The following BHMT2 variants were observed in gnomAD, a reference collection of about 807,000 sequenced individuals.
BHMT2 encodes S-methylmethionine--homocysteine S-methyltransferase BHMT2.
BHMT2 carries 28 observed loss-of-function variants against 39.0 expected under a neutral mutation model. That is an observed-to-expected ratio of 0.72 (90% CI 0.53 to 0.98). The LOEUF (loss-of-function observed/expected upper bound fraction) is 0.98. Ranked by LOEUF, BHMT2 falls within the 50% of genes least tolerant of loss-of-function variation. BHMT2 has a pLI of 0.00. For synonymous variants in BHMT2, 145 were observed against 160.6 expected (o/e 0.90, Z 0.74); for missense variants, 410 against 455.6 (o/e 0.90, Z 0.91).
intron 4 of BHMT2, 40 bp from the exon 5 acceptor site, chr5:79,082,769 T>C (rs1580252542): frequency 1.2e-6 from 2 of 1,603,806 alleles, no homozygotes; most frequent in African/African-American, 2.7e-5. Flanking sequence ...CAAAATCTGC[T>C]TTATGTTTGG....
intron 1 of BHMT2, among the ~76,000 whole-genome samples, chr5:79,072,129 T>G (rs986453007): frequency 3.3e-5 from 5 of 152,096 alleles, no homozygotes; most frequent in African/African-American, 1.2e-4. Context: ...TAGCTGGGCA[T>G]GGTGGCATGC....
intron 2 of BHMT2, chr5:79,077,875 A>T: frequency 3.6e-6 from 1 of 280,432 alleles, no homozygotes; most frequent in Non-Finnish European, 6.7e-6. Flanking sequence ...ACATCCATGC[A>T]CTCACACCCC....
intron 2 of BHMT2, among the ~76,000 whole-genome samples, chr5:79,078,395 A>C (rs1755719883): frequency 6.6e-6 from 1 of 152,222 alleles, no homozygotes; most frequent in Non-Finnish European, 1.5e-5. Flanking sequence ...AAAGTGAGAA[A>C]ATAAAGCCAA....
At chr5:79,084,566 A>T (rs1755858725) in intron 7 of BHMT2, among the ~76,000 whole-genome samples, 1 of 152,104 alleles carries the variant, frequency 6.6e-6, no homozygotes, top group African/African-American at 2.4e-5. Context: ...TAAGGGCACT[A>T]GTCCCATTCA....
intron 3 of BHMT2, 41 bp from the exon 4 acceptor site, chr5:79,080,646 C>T (rs905042113): frequency 6.5e-6 from 10 of 1,528,548 alleles, no homozygotes; most frequent in Non-Finnish European, 8.8e-6. Context: ...TACCTTCAAA[C>T]TGCTAGGCTC....
At chr5:79,071,538 G>A (rs1204621131) in intron 1 of BHMT2, among the ~76,000 whole-genome samples, 1 of 152,140 alleles carries the variant, frequency 6.6e-6, no homozygotes, top group African/African-American at 2.4e-5. Context: ...AAATATAAAT[G>A]TACTGCAAAA....
Position 79,088,605 on chromosome 5 carries a change from G to A in BHMT2, c.*31G>A, listed in dbSNP as rs887200956. 1.0e-5 allele frequency: 16 copies of A among 1,600,204 alleles called. No individual in the cohort carries two copies. Among genetic ancestry groups the A allele is most frequent in the African/African-American group, 2.7e-5 (2 of 74,362 alleles). On this transcript the variant is annotated 3_prime_UTR_variant, in exon 8 of 8. Coordinates refer to ENST00000255192, the MANE Select transcript of BHMT2 (RefSeq NM_017614.5). ...AGTGAAAGAAAACCCTGAAATAATC[G>A]AACAGGAAAAAGTTGCCCTCAAGCC...
intron 1 of BHMT2, among the ~76,000 whole-genome samples, chr5:79,070,273 A>G (rs572567004): frequency 6.6e-6 from 1 of 152,312 alleles, no homozygotes; most frequent in East Asian, 1.9e-4. Context: ...AAAAGTCAGC[A>G]GCCTGGCCAA....
At chr5:79,085,457 G>A (rs1755874540) in intron 7 of BHMT2, among the ~76,000 whole-genome samples, 1 of 152,232 alleles carries the variant, frequency 6.6e-6, no homozygotes, top group African/African-American at 2.4e-5. Flanking sequence ...GAGGCTGGTG[G>A]ATCACCTGAG....
At chr5:79,072,334 AC>A (rs1257554202) in intron 1 of BHMT2, among the ~76,000 whole-genome samples, 2 of 152,206 alleles carry the variant, frequency 1.3e-5, no homozygotes, top group African/African-American at 4.8e-5. Flanking sequence ...CATCCAGATA[AC>A]AAATGAAAAT....
intron 1 of BHMT2, among the ~76,000 whole-genome samples, chr5:79,075,582 T>C (rs1484702736): frequency 6.6e-6 from 1 of 152,160 alleles, no homozygotes; most frequent in Non-Finnish European, 1.5e-5. Context: ...CTATTATCAA[T>C]AAAAGGTTGC....
At position 79,089,048 on chromosome 5, in the gene BHMT2, A is replaced by C. The variant is rs996858344; in HGVS notation, c.*474A>C. ...TTAATGATTTATACAATGACTCCAAAGGCAATCCCAAAGAAAAGATGTAAA... is the reference window on the plus strand; with the variant it reads ...TTAATGATTTATACAATGACTCCAACGGCAATCCCAAAGAAAAGATGTAAA... On this transcript the variant is annotated 3_prime_UTR_variant, in exon 8 of 8. Coordinates refer to ENST00000255192, the MANE Select transcript of BHMT2 (RefSeq NM_017614.5). 6 of 152,640 alleles carry C rather than the reference A, an allele frequency of 3.9e-5. No individual in the cohort carries two copies. Among genetic ancestry groups the C allele is most frequent in the African/African-American group, 1.2e-4 (5 of 41,442 alleles). 9.5% of individuals were successfully genotyped at this position (152,640 alleles called of 1,614,324 possible).
In BHMT2 at chr5:79,083,380, C is replaced by A. The variant is rs370613169; in HGVS notation, c.781+6C>A. ...TCTCCCAGAATATCCCTTTGGTAAGCTCAGGTGCATAGTAGAGGTCCTTGT... is the reference window on the plus strand; with the variant it reads ...TCTCCCAGAATATCCCTTTGGTAAGATCAGGTGCATAGTAGAGGTCCTTGT... On this transcript the variant is annotated splice_donor_region_variant and intron_variant, in intron 6 of 7. Coordinates refer to ENST00000255192, the MANE Select transcript of BHMT2 (RefSeq NM_017614.5). 2 of 1,586,578 alleles carry A rather than the reference C, an allele frequency of 1.3e-6. No individual in the cohort carries two copies. Among genetic ancestry groups the A allele is most frequent in the African/African-American group, 1.4e-5 (1 of 73,528 alleles).
At chr5:79,073,837 C>A (rs1580246319) in intron 1 of BHMT2, among the ~76,000 whole-genome samples, 1 of 152,158 alleles carries the variant, frequency 6.6e-6, no homozygotes, top group Non-Finnish European at 1.5e-5. Context: ...TCTAGTTAAA[C>A]CCCTTCTGAT....
At chr5:79,072,313 T>C (rs995535313) in intron 1 of BHMT2, among the ~76,000 whole-genome samples, 4 of 151,338 alleles carry the variant, frequency 2.6e-5, no homozygotes, top group African/African-American at 7.3e-5. Context: ...AAATTTAAAA[T>C]GGTGGACAAA....
Position 79,083,556 on chromosome 5 carries a change from A to G in BHMT2, c.782-72A>G, listed in dbSNP as rs574999759. On this transcript the variant is annotated intron_variant, in intron 6 of 7. Coordinates refer to ENST00000255192, the MANE Select transcript of BHMT2 (RefSeq NM_017614.5). ...GTTTATAGTTTTTTTAATTGGAAAA[A>G]CTGCTCATTAGAGCATCCATCATTT... 3.8e-4 allele frequency: 595 copies of G among 1,553,158 alleles called. 1 individual carries two copies. The highest frequency in any genetic ancestry group is 5.2e-4 in the South Asian group (43 of 82,278).
chr5:79,084,868 T>C (rs1295440134), intron 7 of BHMT2, among the ~76,000 whole-genome samples: 1 of 152,244 alleles, frequency 6.6e-6, no homozygotes, highest in African/African-American at 2.4e-5. Flanking sequence ...GTTACACTTT[T>C]ATTTCTTCTG....
Position 79,069,787 on chromosome 5 carries a change from C to A in BHMT2, c.5C>A (p.Ala2Glu). 7.0e-7 allele frequency: 1 copy of A among 1,434,828 alleles called. No individual in the cohort carries two copies. Among genetic ancestry groups the A allele is most frequent in the Non-Finnish European group, 9.2e-7 (1 of 1,087,424 alleles). 88.9% of individuals were successfully genotyped at this position (1,434,828 alleles called of 1,614,324 possible). Residue 2 changes from alanine to glutamate, a missense_variant, in exon 1 of 8, where the codon GCA (alanine) becomes GAA (glutamate). By Grantham distance (107) the Ala-to-Glu change is moderately radical. Transcript: ENST00000255192. M[A>E]PAGRPGAKKG... is the part of the protein sequence containing the mutation. Reference sequence around the variant, plus strand: ...CGCCCACAGAGCCGCGGCACCATGGCACCTGCTGGACGCCCGGGGGCCAAG... The same window carrying A: ...CGCCCACAGAGCCGCGGCACCATGGAACCTGCTGGACGCCCGGGGGCCAAG...
intron 4 of BHMT2, 184 bp from the exon 5 acceptor site, chr5:79,082,625 G>A (rs1432184013): frequency 1.7e-6 from 1 of 582,726 alleles, no homozygotes; most frequent in African/African-American, 1.9e-5. Flanking sequence ...TTATAGGAAT[G>A]AAAATGTTTA....
Sources: gnomAD v4.1 joint callset for allele counts (sites outside exome capture counted in the v4.1 genomes callset) on GRCh38, gnomAD v4.1.1 for gene constraint, MANE v1.5 for transcripts, NCBI Gene and HGNC (gene_info 2026-07-23, HGNC 2026-07-21) for gene names.